The following UBAC1 variants were observed in gnomAD, a reference collection of about 807,000 sequenced individuals.
UBAC1 encodes UBA domain containing 1, also known as ubiquitin-associated domain-containing protein 1.
UBAC1 carries 27 observed loss-of-function variants against 45.9 expected under a neutral mutation model. The ratio of observed to expected loss-of-function variants is 0.59; its 90% CI spans 0.43 to 0.81. UBAC1 has a LOEUF of 0.81. UBAC1 is among the 30% of genes least tolerant of loss of function. UBAC1 has a pLI of 0.00. For synonymous variants in UBAC1, 227 were observed against 215.5 expected (o/e 1.05, Z -0.47); for missense variants, 529 against 539.2 (o/e 0.98, Z 0.19).
At chr9:135,942,293 G>GGAGACAAGCACAAC (rs1839279213) in intron 7 of UBAC1, 1 of 152,126 alleles carries the variant, frequency 6.6e-6, no homozygotes, top group Non-Finnish European at 1.5e-5. Context: ...TGGCTCCCTA[G>GGAGACAAGCACAAC]GAGACAAGCA....
At chr9:135,936,440 G>GA (rs956165002) in intron 9 of UBAC1, among the ~76,000 whole-genome samples, 5 of 147,848 alleles carry the variant, frequency 3.4e-5, no homozygotes, top group Admixed American at 6.7e-5. Flanking sequence ...AACATTTTTG[G>GA]AAAAAAAAAT....
intron 7 of UBAC1, among the ~76,000 whole-genome samples, chr9:135,941,553 A>C (rs1320428772): frequency 6.6e-6 from 1 of 152,212 alleles, no homozygotes. Flanking sequence ...ATAGCCTGGA[A>C]TCTACTGAAT....
At chr9:135,933,790 G>A (rs999951572) in intron 9 of UBAC1, among the ~76,000 whole-genome samples, 2 of 151,998 alleles carry the variant, frequency 1.3e-5, no homozygotes, top group African/African-American at 4.8e-5. Context: ...CCCCACTCTC[G>A]GCAGCTGTCT....
At chr9:135,941,804 C>T (rs1250458158) in intron 7 of UBAC1, among the ~76,000 whole-genome samples, 2 of 152,254 alleles carry the variant, frequency 1.3e-5, no homozygotes, top group Non-Finnish European at 2.9e-5. Context: ...TCCTGTCTAC[C>T]ACTGGGAAGG....
chr9:135,945,912 G>A lies in UBAC1; in HGVS notation c.630C>T (p.Ala210=). 6.2e-6 allele frequency: 10 copies of A among 1,614,088 alleles called. No individual in the cohort carries two copies. The highest frequency in any genetic ancestry group is 1.1e-5 in the South Asian group (1 of 91,086). ...LTEMGFPENR[A]TKALQLNHMS... ...ACTGGTTCAGCTGAAGGGCCTTGGT[G>A]GCTCTGTTCTCCGGAAAGCCCATCT... The change falls in exon 6 of 10, where the codon GCC becomes GCT. Residue 210 remains alanine, a synonymous_variant. Coordinates refer to ENST00000371756, the MANE Select transcript of UBAC1 (RefSeq NM_016172.3).
chr9:135,956,004 G>A (rs921531480), intron 1 of UBAC1, among the ~76,000 whole-genome samples: 3 of 152,132 alleles, frequency 2.0e-5, no homozygotes, highest in Non-Finnish European at 2.9e-5. Context: ...CCCAGCTCAC[G>A]AAGCAACAGC....
intron 2 of UBAC1, among the ~76,000 whole-genome samples, chr9:135,954,719 C>G (rs1458373329): frequency 1.3e-5 from 2 of 152,226 alleles, no homozygotes; most frequent in Non-Finnish European, 2.9e-5. Context: ...AGGTCAAAAC[C>G]TGAGATGCAG....
intron 7 of UBAC1, among the ~76,000 whole-genome samples, chr9:135,944,367 C>T (rs1036711102): frequency 1.3e-5 from 2 of 152,194 alleles, no homozygotes; most frequent in Non-Finnish European, 2.9e-5. Flanking sequence ...TCACACACCC[C>T]AAGGAAACGA....
chr9:135,956,623 A>G (rs974359253), intron 1 of UBAC1, among the ~76,000 whole-genome samples: 1 of 152,124 alleles, frequency 6.6e-6, no homozygotes, highest in African/African-American at 2.4e-5. Flanking sequence ...ACAGCACCGC[A>G]CACCACACCA....
intron 3 of UBAC1, among the ~76,000 whole-genome samples, chr9:135,951,052 C>T (rs192592347): frequency 1.3e-5 from 2 of 152,152 alleles, no homozygotes; most frequent in African/African-American, 2.4e-5. Context: ...GAGGTGAGAT[C>T]GTACCACACA....
At chr9:135,954,836 C>T (rs990012014) in intron 2 of UBAC1, among the ~76,000 whole-genome samples, 7 of 152,234 alleles carry the variant, frequency 4.6e-5, no homozygotes, top group Non-Finnish European at 1.0e-4. Context: ...AAACAGCTTA[C>T]TTCAAGGACT....
chr9:135,949,790 C>T (rs1257143936), intron 3 of UBAC1, among the ~76,000 whole-genome samples: 2 of 152,246 alleles, frequency 1.3e-5, no homozygotes, highest in East Asian at 3.9e-4. Flanking sequence ...GAGCAGGACA[C>T]AGTCCACTCT....
chr9:135,936,025 CAAAA>C (rs558643918), intron 9 of UBAC1, among the ~76,000 whole-genome samples: 1 of 61,274 alleles, frequency 1.6e-5, no homozygotes, highest in East Asian at 5.1e-4. Flanking sequence ...GATTCCATCT[CAAAA>C]AAAAAAAAAA....
intron 7 of UBAC1, among the ~76,000 whole-genome samples, chr9:135,944,357 TCA>T (rs1839301364): frequency 6.6e-6 from 1 of 151,948 alleles, no homozygotes; most frequent in Admixed American, 6.6e-5. Flanking sequence ...CAGCACAATG[TCA>T]CACACCCCAA....
chr9:135,936,051 C>G (rs933212871), intron 9 of UBAC1, among the ~76,000 whole-genome samples: 2 of 148,850 alleles, frequency 1.3e-5, no homozygotes, highest in East Asian at 2.0e-4. Context: ...AAGAGGAATA[C>G]AAGTTAAAAC....
Position 135,945,064 on chromosome 9 carries a change from C to A in UBAC1, c.840G>T (p.Lys280Asn), listed in dbSNP as rs1447696349. Residue 280 changes from lysine to asparagine, a missense_variant, in exon 7 of 10, where the codon AAG becomes AAT. Physicochemically the swap from Lys to Asn is moderately conservative, Grantham distance 94 (BLOSUM62 0). Coordinates refer to ENST00000371756, the MANE Select transcript of UBAC1 (RefSeq NM_016172.3). ...ARDELTEIFKKIRRKREFRAD... is the reference protein window; with the variant it reads ...ARDELTEIFKNIRRKREFRAD... The stretch of plus-strand genomic sequence containing the variant: ...CCCGAAACTCCCTTTTCCTCCGGAT[C>A]TTCTTGAAGATTTCCGTCAGCTCAT... The A allele has an allele frequency of 1.9e-6, 3 of 1,613,552 alleles. No individual in the cohort carries two copies. The highest frequency in any genetic ancestry group is 2.5e-6 in the Non-Finnish European group (3 of 1,179,718).
At chr9:135,933,614 T>C in intron 9 of UBAC1, 99 bp from the exon 10 acceptor site, 1 of 842,918 alleles carries the variant, frequency 1.2e-6, no homozygotes, top group South Asian at 1.4e-5. Context: ...ATGAAGAGGG[T>C]GCGTCTCCAA....
Position 135,961,068 on chromosome 9 carries a change from T to G in UBAC1, c.95A>C (p.Glu32Ala). 6.3e-7 allele frequency: 1 copy of G among 1,582,214 alleles called. No homozygotes were observed. The highest frequency in any genetic ancestry group is 8.5e-7 in the Non-Finnish European group (1 of 1,169,994). ...CTTGAGCTTCTCCACCGAGGTGTCC[T>G]CGGTGGCCTCCTCCAGCCACTCGGC... ...DGAEWLEEAT[E>A]DTSVEKLKER... Residue 32 changes from glutamate to alanine, a missense_variant, in exon 1 of 10, where the codon GAG (glutamate) becomes GCG (alanine). By Grantham distance (107) the Glu-to-Ala change is moderately radical. Coordinates refer to ENST00000371756, the MANE Select transcript of UBAC1 (RefSeq NM_016172.3).
intron 3 of UBAC1, among the ~76,000 whole-genome samples, chr9:135,953,376 G>A (rs1461112062): frequency 6.6e-6 from 1 of 152,118 alleles, no homozygotes; most frequent in Non-Finnish European, 1.5e-5. Flanking sequence ...GAGTGCAGTG[G>A]CACGATCTCG....
Sources: allele counts gnomAD v4.1 joint callset (sites outside exome capture counted in the v4.1 genomes callset), GRCh38; gene constraint gnomAD v4.1.1; transcripts MANE v1.5; gene names NCBI Gene and HGNC (gene_info 2026-07-23, HGNC 2026-07-21).